The following FAT3 variants were observed in gnomAD, a reference collection of about 807,000 sequenced individuals.
FAT3 encodes FAT atypical cadherin 3.
In FAT3, 95 loss-of-function variants were observed where a neutral mutation model predicts 310.2. The ratio of observed to expected loss-of-function variants is 0.31; its 90% confidence interval spans 0.26 to 0.36. FAT3 has a LOEUF of 0.36. FAT3 is among the 10% of genes least tolerant of loss of function. The pLI, the probability that FAT3 is intolerant of heterozygous loss-of-function variation, is 1.00. For synonymous variants in FAT3, 2,314 were observed against 2,192.9 expected, an observed-to-expected ratio of 1.06 and a Z score of -1.54; for missense variants, 5,408 against 5,715.6, an observed-to-expected ratio of 0.95 and a Z score of 1.74.
At chr11:92,549,273 C>A (rs57945139) in intron 3 of FAT3, among the ~76,000 whole-genome samples, 2 of 152,058 alleles carry the variant, frequency 1.3e-5, no homozygotes, top group South Asian at 4.1e-4. Flanking sequence ...AGCAATAATC[C>A]GTATTTTGAT....
At chr11:92,424,104 A>T (rs1950583219) in intron 2 of FAT3, among the ~76,000 whole-genome samples, 1 of 151,940 alleles carries the variant, frequency 6.6e-6, no homozygotes, top group African/African-American at 2.4e-5. Context: ...TTGTTTTTTT[A>T]TTGTCCAAAG....
intron 3 of FAT3, among the ~76,000 whole-genome samples, chr11:92,668,849 C>T (rs1280845611): frequency 6.6e-6 from 1 of 152,184 alleles, no homozygotes; most frequent in Non-Finnish European, 1.5e-5. Flanking sequence ...GGTGCCACTT[C>T]AGCATTGGTG....
intron 2 of FAT3, among the ~76,000 whole-genome samples, chr11:92,406,030 T>C (rs1029808370): frequency 2.0e-5 from 3 of 152,208 alleles, no homozygotes; most frequent in Admixed American, 6.5e-5. Flanking sequence ...ATTTGAAATG[T>C]GTCTTGTTAT....
At chr11:92,859,740 CAG>C (rs1014584230) in intron 21 of FAT3, among the ~76,000 whole-genome samples, 19 of 152,146 alleles carry the variant, frequency 1.2e-4, no homozygotes, top group African/African-American at 4.6e-4. Flanking sequence ...AAATTGGAGA[CAG>C]GGGGTATAGG....
At chr11:92,431,505 C>G (rs542346115) in intron 2 of FAT3, among the ~76,000 whole-genome samples, 10 of 152,224 alleles carry the variant, frequency 6.6e-5, no homozygotes, top group African/African-American at 2.2e-4. Context: ...TGCAGAAGCT[C>G]TTTAATTTAA....
At chr11:92,606,959 T>C (rs1265235025) in intron 3 of FAT3, among the ~76,000 whole-genome samples, 1 of 152,206 alleles carries the variant, frequency 6.6e-6, no homozygotes, top group African/African-American at 2.4e-5. Flanking sequence ...GACATTTGGA[T>C]AGATTTCAGA....
At chr11:92,859,503 C>T (rs1305378829) in intron 21 of FAT3, among the ~76,000 whole-genome samples, 181 bp downstream of exon 21, 1 of 152,140 alleles carries the variant, frequency 6.6e-6, no homozygotes, top group African/African-American at 2.4e-5. Context: ...TCCTTTTGAA[C>T]ATTCAGCTTC....
At chr11:92,244,407 G>A (rs1010231865) in intron 1 of FAT3, among the ~76,000 whole-genome samples, 1 of 152,050 alleles carries the variant, frequency 6.6e-6, no homozygotes, top group African/African-American at 2.4e-5. Flanking sequence ...TATTTTATCT[G>A]GCAACTTGGC....
At chr11:92,412,402 A>ATTTTTTTT (rs780298367) in intron 2 of FAT3, among the ~76,000 whole-genome samples, 5,714 of 100,926 alleles carry the variant, frequency 0.057, 547 homozygotes, top group East Asian at 0.098. Context: ...GACCCGGCCT[A>ATTTTTTTT]TTTTTTTTTT....
At chr11:92,444,387 T>C (rs1404788584) in intron 2 of FAT3, among the ~76,000 whole-genome samples, 2 of 152,130 alleles carry the variant, frequency 1.3e-5, no homozygotes, top group East Asian at 3.9e-4. Flanking sequence ...TACTATTATA[T>C]TGTCATGTAA....
At chr11:92,308,416 G>A (rs1013107557) in intron 1 of FAT3, among the ~76,000 whole-genome samples, 1 of 152,086 alleles carries the variant, frequency 6.6e-6, no homozygotes, top group Non-Finnish European at 1.5e-5. Context: ...TTTGGATGTT[G>A]TTTTATCTCT....
At chr11:92,776,208 T>C (rs557707143) in intron 7 of FAT3, among the ~76,000 whole-genome samples, 239 of 152,298 alleles carry the variant, frequency 1.6e-3, no homozygotes, top group South Asian at 3.7e-3. Flanking sequence ...GTATTCAGTG[T>C]GCCCAGAATA....
intron 3 of FAT3, among the ~76,000 whole-genome samples, chr11:92,565,213 C>T (rs11020001): frequency 0.38 from 56,490 of 147,800 alleles, 11,590 homozygotes; most frequent in Middle Eastern, 0.53. Context: ...ATATCACCAC[C>T]GATCCCACGG....
At chr11:92,415,849 C>CTTTTTTTTTT (rs1196695394) in intron 2 of FAT3, among the ~76,000 whole-genome samples, 14 of 70,400 alleles carry the variant, frequency 2.0e-4, no homozygotes, top group East Asian at 4.5e-4. Flanking sequence ...AGCATTTTTG[C>CTTTTTTTTTT]TTTTTTTTTT....
chr11:92,579,697 A>G (rs900383323), intron 3 of FAT3, among the ~76,000 whole-genome samples: 3 of 152,128 alleles, frequency 2.0e-5, no homozygotes, highest in Non-Finnish European at 2.9e-5. Context: ...AAATACCATT[A>G]CTATTTTTCA....
At chr11:92,683,154 C>T (rs559962873) in intron 3 of FAT3, among the ~76,000 whole-genome samples, 1 of 149,738 alleles carries the variant, frequency 6.7e-6, no homozygotes, top group East Asian at 2.0e-4. Flanking sequence ...TACTTGCTTT[C>T]TAATGTGGTC....
intron 2 of FAT3, among the ~76,000 whole-genome samples, chr11:92,430,962 A>G (rs1227743314): frequency 3.3e-5 from 5 of 152,192 alleles, no homozygotes; most frequent in Non-Finnish European, 5.9e-5. Context: ...ATAGTGCCGC[A>G]ATAAACATAC....
At chr11:92,309,029 C>A (rs1432040619) in intron 1 of FAT3, among the ~76,000 whole-genome samples, 2 of 152,070 alleles carry the variant, frequency 1.3e-5, no homozygotes, top group Non-Finnish European at 2.9e-5. Context: ...GGGAATAAAC[C>A]CACAGGCTGC....
chr11:92,623,812 G>A (rs902721147), intron 3 of FAT3, among the ~76,000 whole-genome samples: 2 of 152,002 alleles, frequency 1.3e-5, no homozygotes, highest in Non-Finnish European at 1.5e-5. Context: ...GCATTGAGGC[G>A]GGTGCCTGTA....
Sources: gnomAD v4.1 joint callset for allele counts (sites outside exome capture counted in the v4.1 genomes callset) on GRCh38, gnomAD v4.1.1 for gene constraint, MANE v1.5 for transcripts, NCBI Gene and HGNC (gene_info 2026-07-23, HGNC 2026-07-21) for gene names.